Variants in TRDMT1 observed in about 807,000 individuals in gnomAD.
TRDMT1 encodes tRNA aspartic acid methyltransferase 1.
In TRDMT1, 49 loss-of-function variants were observed where a neutral mutation model predicts 51.2. The ratio of observed to expected loss-of-function variants is 0.96; its 90% confidence interval spans 0.76 to 1.21. TRDMT1 has a LOEUF of 1.21. TRDMT1 is among the 50% of genes most tolerant of loss of function. The pLI is 0.00. For synonymous variants in TRDMT1, 187 were observed against 164.6 expected, an observed-to-expected ratio of 1.14 and a Z score of -1.04; for missense variants, 534 against 462.3, an observed-to-expected ratio of 1.16 and a Z score of -1.42.
chr10:17,201,504 C>A, intron 1 of TRDMT1, 67 bp downstream of exon 1: 1 of 1,496,682 alleles, frequency 6.7e-7, no homozygotes, highest in South Asian at 1.2e-5. Context: ...TCCGCCCCTT[C>A]CCGGCGCGGG....
intron 2 of TRDMT1, among the ~76,000 whole-genome samples, chr10:17,172,508 A>T (rs1842157932): frequency 6.6e-6 from 1 of 152,170 alleles, no homozygotes; most frequent in African/African-American, 2.4e-5. Flanking sequence ...AAAGAAAAAA[A>T]AATGAGTAAA....
intron 3 of TRDMT1, among the ~76,000 whole-genome samples, chr10:17,163,286 G>C (rs929785334): frequency 2.0e-5 from 3 of 151,992 alleles, no homozygotes; most frequent in Non-Finnish European, 2.9e-5. Context: ...AATTGAGCCC[G>C]AGCAGCAGGA....
In TRDMT1 at chr10:17,145,957, C is replaced by A. The variant is rs774113329; in HGVS notation, c.*3083G>T. On this transcript the variant is annotated 3_prime_UTR_variant, in exon 11 of 11. Transcript: ENST00000377799. ...CCAGCTTAATCACTCTAGACCTCAA[C>A]TAGGTTGAGATGGGAGCAAAAACCC... 3.5e-5 allele frequency: 34 copies of A among 985,322 alleles called. No individual in the cohort carries two copies. Among genetic ancestry groups the A allele is most frequent in the Admixed American group, 6.1e-5 (1 of 16,268 alleles). The allele number at this position is 985,322 out of a possible 1,614,324, so 61.0% of individuals were successfully genotyped here.
At chr10:17,199,264 C>T (rs375090338) in intron 1 of TRDMT1, among the ~76,000 whole-genome samples, 3 of 151,830 alleles carry the variant, frequency 2.0e-5, no homozygotes, top group Non-Finnish European at 2.9e-5. Flanking sequence ...AGATTTCCAC[C>T]GAAAAGATGA....
Position 17,139,275 on chromosome 10 carries a change from T to A in TRDMT1, c.*9765A>T, listed in dbSNP as rs1477018433. The A allele has an allele frequency of 1.1e-6, 1 of 878,890 alleles. No individual in the cohort carries two copies. Among genetic ancestry groups the A allele is most frequent in the Non-Finnish European group, 1.4e-6 (1 of 732,740 alleles). 54.4% of individuals were successfully genotyped at this position (878,890 alleles called of 1,614,324 possible). Reference sequence around the variant, plus strand: ...CAAACAAGGCGGTGAAGTTAAATATTTAGACACCATTCATACGATAATCAA... The same window carrying A: ...CAAACAAGGCGGTGAAGTTAAATATATAGACACCATTCATACGATAATCAA... On this transcript the variant is annotated 3_prime_UTR_variant, in exon 11 of 11. Coordinates refer to ENST00000377799, the MANE Select transcript of TRDMT1 (RefSeq NM_004412.7).
chr10:17,195,070 G>T (rs1024625995), intron 1 of TRDMT1, among the ~76,000 whole-genome samples: 2 of 151,262 alleles, frequency 1.3e-5, no homozygotes, highest in African/African-American at 2.4e-5. Context: ...ATTTCTCAAA[G>T]AACTTAAAAC....
intron 1 of TRDMT1, among the ~76,000 whole-genome samples, chr10:17,182,178 C>T (rs1228355903): frequency 6.6e-6 from 1 of 152,170 alleles, no homozygotes; most frequent in African/African-American, 2.4e-5. Flanking sequence ...TCAGAGGCTA[C>T]TACAGGCATT....
intron 3 of TRDMT1, among the ~76,000 whole-genome samples, chr10:17,167,636 A>G (rs1370962712): frequency 6.6e-6 from 1 of 152,190 alleles, no homozygotes; most frequent in East Asian, 1.9e-4. Context: ...ATATATACAC[A>G]CATATATATA....
chr10:17,188,734 CAG>C (rs1844284451), intron 1 of TRDMT1, among the ~76,000 whole-genome samples: 1 of 152,166 alleles, frequency 6.6e-6, no homozygotes, highest in Non-Finnish European at 1.5e-5. Flanking sequence ...TTCCTTCAGT[CAG>C]AGTTACTTGA....
Position 17,154,710 on chromosome 10 carries a change from T to C in TRDMT1, c.912A>G (p.Thr304=). 1.2e-6 allele frequency: 2 copies of C among 1,606,274 alleles called. No individual in the cohort carries two copies. The highest frequency in any genetic ancestry group is 2.3e-5 in the East Asian group (1 of 44,226). ...CCTCTGCAGTCTGTAACACAGACCC[T>C]GTCCCTTCTATGTAGCTTCCATATC... is the stretch of plus-strand genomic sequence containing the variant. ...TKGYGSYIEG[T]GSVLQTAEDV... Residue 304 remains threonine (T), a synonymous_variant, in exon 9 of 11, where the codon ACA becomes ACG. Transcript: ENST00000377799.
chr10:17,145,150 G>A lies in TRDMT1; in HGVS notation c.*3890C>T. The A allele has an allele frequency of 1.6e-6, 1 of 620,822 alleles. No homozygotes were observed. The highest frequency in any genetic ancestry group is 2.0e-5 in the African/African-American group (1 of 50,268). 38.5% of individuals were successfully genotyped at this position (620,822 alleles called of 1,614,324 possible). A position where few individuals can be genotyped will look rare whatever the true frequency, so the allele number is the denominator to read the frequency against. ...TAATCCCAGCTACTAGGGAGGCTGA[G>A]GCAGGAAAATCACTTTAACCCAGGA... On this transcript the variant is annotated 3_prime_UTR_variant, in exon 11 of 11. Transcript: ENST00000377799.
intron 1 of TRDMT1, among the ~76,000 whole-genome samples, chr10:17,198,507 A>G (rs1322556390): frequency 6.6e-6 from 1 of 152,254 alleles, no homozygotes; most frequent in East Asian, 1.9e-4. Context: ...TACAAAATAA[A>G]TGAACTTTGA....
intron 1 of TRDMT1, among the ~76,000 whole-genome samples, chr10:17,192,057 C>A (rs1284986721): frequency 6.6e-6 from 1 of 152,062 alleles, no homozygotes; most frequent in Non-Finnish European, 1.5e-5. Flanking sequence ...GCAGGTGGGG[C>A]CAAGCAAATC....
chr10:17,174,726 A>C, intron 1 of TRDMT1, 66 bp from the exon 2 acceptor site: 1 of 1,203,968 alleles, frequency 8.3e-7, no homozygotes, highest in Non-Finnish European at 1.2e-6. Flanking sequence ...AGAAATCAAA[A>C]TAGCAGAATT....
chr10:17,198,938 T>C (rs962647932), intron 1 of TRDMT1, among the ~76,000 whole-genome samples: 1 of 152,222 alleles, frequency 6.6e-6, no homozygotes, highest in African/African-American at 2.4e-5. Flanking sequence ...TTAGTAGTTC[T>C]AACCAGAACA....
At position 17,168,003 on chromosome 10, in the gene TRDMT1, A is replaced by T. The variant is rs571330499; in HGVS notation, c.251+838T>A. ...GCTATTTCCTTTGTGATTAATGCTT[A>T]ATTATAAATATGAATGGAGGCTGGG... On this transcript the variant is annotated intron_variant, in intron 3 of 10. Coordinates refer to ENST00000377799, the MANE Select transcript of TRDMT1 (RefSeq NM_004412.7). 2.0e-5 allele frequency among the ~76,000 whole-genome samples: 3 copies of T among 152,278 alleles called. No individual in the cohort carries two copies. In the South Asian group the frequency reaches 6.2e-4, roughly 32 times the overall value.
intron 1 of TRDMT1, among the ~76,000 whole-genome samples, chr10:17,176,201 TAAATA>T (rs934083261): frequency 2.6e-5 from 4 of 152,188 alleles, no homozygotes; most frequent in African/African-American, 9.7e-5. Flanking sequence ...AGCTGAAAAT[TAAATA>T]AACTTCATTG....
At chr10:17,189,314 G>C (rs1171037190) in intron 1 of TRDMT1, among the ~76,000 whole-genome samples, 8 of 152,144 alleles carry the variant, frequency 5.3e-5, no homozygotes, top group Non-Finnish European at 7.4e-5. Flanking sequence ...AAATGCAAAA[G>C]ATGATGTCTT....
chr10:17,186,513 A>G (rs1843956115), intron 1 of TRDMT1, among the ~76,000 whole-genome samples: 2 of 152,200 alleles, frequency 1.3e-5, no homozygotes, highest in Admixed American at 6.5e-5. Context: ...GGCAGCCCCT[A>G]GAAGCCAGAA....
Sources: gnomAD v4.1 joint callset for allele counts (sites outside exome capture counted in the v4.1 genomes callset) on GRCh38, gnomAD v4.1.1 for gene constraint, MANE v1.5 for transcripts, NCBI Gene and HGNC (gene_info 2026-07-23, HGNC 2026-07-21) for gene names.